Variants in CERS1 observed in about 807,000 individuals in gnomAD.
CERS1 encodes the protein Embryonic growth/differentiation factor 1.
In CERS1, 16 loss-of-function variants were observed where a neutral mutation model predicts 35.7. The ratio of observed to expected loss-of-function variants is 0.45; its 90% CI spans 0.30 to 0.68. The LOEUF is 0.68. Ranked by LOEUF, CERS1 falls within the 30% of genes least tolerant of loss-of-function variation. CERS1 has a pLI of 0.08. For missense variants in CERS1, 454 were observed against 453.9 expected, an observed-to-expected ratio of 1.00 and a Z score of 0.00; for synonymous variants, 243 against 201.6, an observed-to-expected ratio of 1.21 and a Z score of -1.74.
chr19:18,871,268 C>G (rs1037437462), intron 6 of CERS1, among the ~76,000 whole-genome samples: 1 of 145,366 alleles, frequency 6.9e-6, no homozygotes, highest in African/African-American at 2.6e-5. Flanking sequence ...GCTCTGTTGC[C>G]TAGTCTGGAG....
At chr19:18,886,560 AAAACAAAC>A (rs930862677) in intron 2 of CERS1, among the ~76,000 whole-genome samples, 3 of 152,152 alleles carry the variant, frequency 2.0e-5, no homozygotes, top group African/African-American at 7.2e-5. Context: ...GTCTCAAAAC[AAAACAAAC>A]AAACAAACAA....
At chr19:18,875,649 A>G (rs1031013895) in intron 6 of CERS1, among the ~76,000 whole-genome samples, 1 of 152,180 alleles carries the variant, frequency 6.6e-6, no homozygotes, top group African/African-American at 2.4e-5. Context: ...TTTTGCTCCA[A>G]CCTCGGCCTT....
Position 18,868,641 on chromosome 19 carries a change from G to A in CERS1, c.*1344C>T, listed in dbSNP as rs1324719289. The A allele has an allele frequency of 1.3e-6, 2 of 1,574,486 alleles. No homozygotes were observed. The highest frequency in any genetic ancestry group is 4.7e-5 in the East Asian group (2 of 42,914). On this transcript the variant is annotated 3_prime_UTR_variant, in exon 8 of 8. Coordinates refer to ENST00000623882, the MANE Select transcript of CERS1 (RefSeq NM_021267.5). ...TCCACCACCATGTCCTCATACTGCC[G>A]CAGCACCACGTTGTCGCTGTTGTCA...
At chr19:18,869,939 G>C (rs1415411887) in intron 7 of CERS1, 44 bp downstream of exon 7, 30 of 1,535,686 alleles carry the variant, frequency 2.0e-5, no homozygotes, top group Non-Finnish European at 2.6e-5. Flanking sequence ...GCCCTGCGAG[G>C]TCTGGCCTCC....
At chr19:18,886,338 A>G (rs2056359864) in intron 2 of CERS1, among the ~76,000 whole-genome samples, 1 of 152,140 alleles carries the variant, frequency 6.6e-6, no homozygotes, top group South Asian at 2.1e-4. Context: ...TCACAAGGTC[A>G]GGAGATCAAG....
chr19:18,887,413 C>T (rs2056388025), intron 2 of CERS1, among the ~76,000 whole-genome samples: 1 of 152,072 alleles, frequency 6.6e-6, no homozygotes, highest in South Asian at 2.1e-4. Flanking sequence ...TGATAATGTT[C>T]CAGACCTAGA....
At chr19:18,872,331 CTCTGTTATCTTTTTT>C (rs1484171761) in intron 6 of CERS1, among the ~76,000 whole-genome samples, 2 of 152,136 alleles carry the variant, frequency 1.3e-5, no homozygotes, top group Non-Finnish European at 2.9e-5. Context: ...GATAGCTTTT[CTCTGTTATCTTTTTT>C]TCTTGTTTTG....
rs772333294 is a variant in CERS1, at chr19:18,879,056, G to C, written c.901-17C>G. 2.5e-6 allele frequency: 4 copies of C among 1,611,912 alleles called. No homozygotes were observed. The African/African-American group carries it at 5.3e-5, about 22-fold the overall frequency. ...CACGATGTACTGCGAGAGGGGAGGGGAGGTGCCAGTGAGAAGAAAGCCCCC... is the reference window on the plus strand; with the variant it reads ...CACGATGTACTGCGAGAGGGGAGGGCAGGTGCCAGTGAGAAGAAAGCCCCC... On this transcript the variant is annotated splice_polypyrimidine_tract_variant and intron_variant, in intron 5 of 7. Transcript: ENST00000623882.
intron 2 of CERS1, among the ~76,000 whole-genome samples, chr19:18,884,898 TAG>T (rs1233423558): frequency 6.6e-6 from 1 of 150,630 alleles, no homozygotes; most frequent in African/African-American, 2.4e-5. Flanking sequence ...GTATTTTTAG[TAG>T]AGATGGGCTT....
intron 6 of CERS1, among the ~76,000 whole-genome samples, chr19:18,872,323 T>C (rs984328444): frequency 2.6e-5 from 4 of 152,170 alleles, no homozygotes; most frequent in Non-Finnish European, 4.4e-5. Context: ...TTGGGGGAGA[T>C]AGCTTTTCTC....
At chr19:18,892,592 C>A (rs1358665247) in intron 2 of CERS1, among the ~76,000 whole-genome samples, 1 of 151,958 alleles carries the variant, frequency 6.6e-6, no homozygotes, top group Non-Finnish European at 1.5e-5. Flanking sequence ...CTAGCCTGGG[C>A]GACAGAGCGA....
In CERS1 at chr19:18,868,738, C is replaced by T; in HGVS notation, c.*1247G>A. 6.5e-7 allele frequency: 1 copy of T among 1,530,786 alleles called. No homozygotes were observed. The highest frequency in any genetic ancestry group is 8.8e-7 in the Non-Finnish European group (1 of 1,135,066). The allele number at this position is 1,530,786 out of a possible 1,614,324, so 94.8% of individuals were successfully genotyped here. ...GCAGGTCGGCGGCTCCCGGGGCGGCCGCGTGCATGAGCGCGCGCAGCACAG... is the reference window on the plus strand; with the variant it reads ...GCAGGTCGGCGGCTCCCGGGGCGGCTGCGTGCATGAGCGCGCGCAGCACAG... On this transcript the variant is annotated 3_prime_UTR_variant, in exon 8 of 8. Coordinates refer to ENST00000623882, the MANE Select transcript of CERS1 (RefSeq NM_021267.5).
chr19:18,894,342 G>A (rs1399717834), intron 1 of CERS1, among the ~76,000 whole-genome samples: 2 of 152,032 alleles, frequency 1.3e-5, no homozygotes, highest in Non-Finnish European at 2.9e-5. Context: ...TGAGGGGGCC[G>A]GAGCCCAGAG....
Position 18,895,829 on chromosome 19 carries a change from A to C in CERS1, c.244T>G (p.Phe82Val). Residue 82 changes from phenylalanine to valine, a missense_variant, in exon 1 of 8, where the codon TTT (phenylalanine) becomes GTT (valine). Transcript: ENST00000623882. The surrounding 1 kb of genome is among the most constrained non-coding windows in gnomAD (Gnocchi z 6.4). ...CGGCCCCCGGCCACACTGACCCGAA[A>C]GAGGCGCGCAGTGGCCGCGGAGCGC... ...ALRSAATARL[F>V]RPLAKRCCLQ... The C allele has an allele frequency of 1.6e-6, 2 of 1,281,334 alleles. No individual in the cohort carries two copies. The highest frequency in any genetic ancestry group is 2.0e-6 in the Non-Finnish European group (2 of 1,012,344). 79.4% of individuals were successfully genotyped at this position (1,281,334 alleles called of 1,614,324 possible). A position where few individuals can be genotyped will look rare whatever the true frequency, so the allele number is the denominator to read the frequency against.
In CERS1 at chr19:18,869,963, C is replaced by T. The variant is rs146219830; in HGVS notation, c.*594+20G>A. The stretch of plus-strand genomic sequence containing the variant: ...GGTCTGGCCTCCAGGACCAGTGTCC[C>T]CAGCGAAAGCCCCACTCACCGCGGT... On this transcript the variant is annotated intron_variant, in intron 7 of 7. Coordinates refer to ENST00000623882, the MANE Select transcript of CERS1 (RefSeq NM_021267.5). 5.3e-3 allele frequency: 8,374 copies of T among 1,569,272 alleles called. 33 individuals are homozygous for T. Among genetic ancestry groups the T allele is most frequent in the Non-Finnish European group, 6.1e-3 (7,092 of 1,158,952 alleles).
Position 18,878,688 on chromosome 19 carries a change from C to T in CERS1, c.1010+242G>A. 7.4e-7 allele frequency: 1 copy of T among 1,350,656 alleles called. No individual in the cohort carries two copies. The highest frequency in any genetic ancestry group is 9.6e-7 in the Non-Finnish European group (1 of 1,046,364). 83.7% of individuals were successfully genotyped at this position (1,350,656 alleles called of 1,614,324 possible). A position where few individuals can be genotyped will look rare whatever the true frequency, so the allele number is the denominator to read the frequency against. On this transcript the variant is annotated intron_variant, in intron 6 of 7. Transcript: ENST00000623882. The surrounding 1 kb of genome is among the most constrained non-coding windows in gnomAD (Gnocchi z 4.6). Reference sequence around the variant, plus strand: ...GCCCTCAGTGTCCCTACCGCTGAGACCCTGCCTGTCGCCCTGCCTGCCCCT... The same window carrying T: ...GCCCTCAGTGTCCCTACCGCTGAGATCCTGCCTGTCGCCCTGCCTGCCCCT...
At chr19:18,893,916 T>G (rs1601193591) in intron 1 of CERS1, among the ~76,000 whole-genome samples, 1 of 133,532 alleles carries the variant, frequency 7.5e-6, no homozygotes. Context: ...CTGGTGGGGG[T>G]GACCCTTGAA....
At chr19:18,890,995 G>A (rs574111665) in intron 2 of CERS1, among the ~76,000 whole-genome samples, 1 of 151,866 alleles carries the variant, frequency 6.6e-6, no homozygotes, top group Non-Finnish European at 1.5e-5. Flanking sequence ...GTGGTGGCGC[G>A]TGCCTATAAT....
intron 2 of CERS1, among the ~76,000 whole-genome samples, chr19:18,885,463 CT>C (rs1173552577): frequency 6.7e-6 from 1 of 149,970 alleles, no homozygotes; most frequent in Non-Finnish European, 1.5e-5. Context: ...TCCCAAAGTG[CT>C]GGGGTTACAG....
Sources: gnomAD v4.1 joint callset for allele counts (sites outside exome capture counted in the v4.1 genomes callset) on GRCh38, gnomAD v4.1.1 for gene constraint, Gnocchi (gnomAD v3.1) non-coding constraint, MANE v1.5 for transcripts, NCBI Gene and HGNC (gene_info 2026-07-23, HGNC 2026-07-21) for gene names.